Variants in POC1A observed in about 807,000 individuals in gnomAD.
POC1A encodes POC1 centriolar protein A.
Under a neutral mutation model 47.8 loss-of-function variants are expected in POC1A, and 34 were observed. The ratio of observed to expected loss-of-function variants is 0.71; its 90% CI spans 0.54 to 0.95. POC1A has a LOEUF of 0.95. Among genes scored for constraint, POC1A ranks in the 40% least tolerant of loss-of-function variants. POC1A has a pLI of 0.00. For missense variants in POC1A, 466 were observed against 528.3 expected (o/e 0.88, Z 1.16); for synonymous variants, 177 against 207.6 (o/e 0.85, Z 1.27).
chr3:52,097,290 T>C (rs1702851572), intron 9 of POC1A, among the ~76,000 whole-genome samples: 1 of 152,154 alleles, frequency 6.6e-6, no homozygotes, highest in African/African-American at 2.4e-5. Context: ...CCAGATCCCC[T>C]GGAAAAACAA....
chr3:52,134,642 T>C (rs923642382), intron 7 of POC1A, among the ~76,000 whole-genome samples: 1 of 151,900 alleles, frequency 6.6e-6, no homozygotes, highest in African/African-American at 2.4e-5. Context: ...AATGAATGAA[T>C]GAAAGAAACA....
chr3:52,097,240 G>C (rs111638385), intron 9 of POC1A, among the ~76,000 whole-genome samples: 1,947 of 152,352 alleles, frequency 0.013, 35 homozygotes, highest in African/African-American at 0.041. Context: ...GTGGAAGTGT[G>C]TGTGTGGCGG....
intron 10 of POC1A, among the ~76,000 whole-genome samples, chr3:52,086,433 C>T (rs1044213805): frequency 2.0e-5 from 3 of 152,220 alleles, no homozygotes; most frequent in Non-Finnish European, 4.4e-5. Flanking sequence ...AAAACAGATA[C>T]AATAAAAGGG....
intron 1 of POC1A, 59 bp from the exon 2 acceptor site, chr3:52,151,159 G>A: frequency 1.2e-6 from 2 of 1,609,086 alleles, no homozygotes; most frequent in South Asian, 2.2e-5. Flanking sequence ...CTTCCCCAGG[G>A]CCAGCACTCT....
chr3:52,101,968 A>G (rs937084874), intron 9 of POC1A, among the ~76,000 whole-genome samples: 1 of 152,232 alleles, frequency 6.6e-6, no homozygotes, highest in African/African-American at 2.4e-5. Context: ...CAGTTTGTAT[A>G]GTTTCACGAG....
At chr3:52,101,915 G>A (rs1369392060) in intron 9 of POC1A, among the ~76,000 whole-genome samples, 1 of 152,148 alleles carries the variant, frequency 6.6e-6, no homozygotes, top group East Asian at 1.9e-4. Flanking sequence ...ACAGAACTTT[G>A]GGTTGGCAGT....
intron 7 of POC1A, among the ~76,000 whole-genome samples, chr3:52,136,520 G>A (rs1284453095): frequency 6.6e-6 from 1 of 152,214 alleles, no homozygotes; most frequent in Admixed American, 6.5e-5. Flanking sequence ...GAGAGCCGAT[G>A]ATGAATGAAC....
chr3:52,130,109 G>A (rs757272644), intron 7 of POC1A, among the ~76,000 whole-genome samples: 5 of 152,186 alleles, frequency 3.3e-5, no homozygotes, highest in Admixed American at 6.5e-5. Flanking sequence ...GCCCACAACA[G>A]CTATGCTGGC....
chr3:52,152,276 A>G (rs1251228628), intron 1 of POC1A, among the ~76,000 whole-genome samples: 1 of 152,150 alleles, frequency 6.6e-6, no homozygotes, highest in African/African-American at 2.4e-5. Context: ...CCCTGACTAA[A>G]AAAAAGTAGT....
At position 52,079,343 on chromosome 3, in the gene POC1A, G is replaced by A. The variant is rs1381729895; in HGVS notation, c.1126-3358C>T. 1.3e-5 allele frequency among the ~76,000 whole-genome samples: 2 copies of A among 152,188 alleles called. No homozygotes were observed. Among genetic ancestry groups the A allele is most frequent in the Admixed American group, 6.5e-5 (1 of 15,282 alleles). On this transcript the variant is annotated intron_variant, in intron 10 of 10. Coordinates refer to ENST00000296484, the MANE Select transcript of POC1A (RefSeq NM_015426.5). This position sits in a 1 kb window ranked among gnomAD's most constrained non-coding sequence, Gnocchi z 4.6. ...CGTCGCCTCATGCTCCGTCCAGCCC[G>A]GGAATTATCCTGCTACCAGCGCCTG...
At chr3:52,137,551 G>A (rs1404680874) in intron 7 of POC1A, among the ~76,000 whole-genome samples, 1 of 152,012 alleles carries the variant, frequency 6.6e-6, no homozygotes, top group Non-Finnish European at 1.5e-5. Context: ...GATGTGAAAG[G>A]CCCGGACCCA....
At chr3:52,102,212 C>T (rs2106999296) in intron 9 of POC1A, among the ~76,000 whole-genome samples, 1 of 152,254 alleles carries the variant, frequency 6.6e-6, no homozygotes, top group East Asian at 1.9e-4. Flanking sequence ...TTTTCAATAG[C>T]ACCAAAACAA....
At chr3:52,087,542 C>T (rs924529622) in intron 10 of POC1A, among the ~76,000 whole-genome samples, 1 of 152,128 alleles carries the variant, frequency 6.6e-6, no homozygotes, top group Non-Finnish European at 1.5e-5. Flanking sequence ...CATCCCCCAG[C>T]CCCAACCTCT....
At chr3:52,080,711 C>T (rs564285215) in intron 10 of POC1A, among the ~76,000 whole-genome samples, 54 of 152,380 alleles carry the variant, frequency 3.5e-4, no homozygotes, top group Admixed American at 1.4e-3. Flanking sequence ...TCACTGTCAA[C>T]GCTTCTTTCA....
At chr3:52,113,078 C>T (rs899395300) in intron 9 of POC1A, among the ~76,000 whole-genome samples, 1 of 152,222 alleles carries the variant, frequency 6.6e-6, no homozygotes, top group Non-Finnish European at 1.5e-5. Flanking sequence ...ACCATGATAA[C>T]TGTCAAATGT....
At chr3:52,140,982 T>A (rs1005097911) in intron 6 of POC1A, among the ~76,000 whole-genome samples, 5 of 152,232 alleles carry the variant, frequency 3.3e-5, no homozygotes, top group Non-Finnish European at 7.3e-5. Flanking sequence ...GGCCTCTTCT[T>A]GGCTCCATGG....
chr3:52,099,615 C>T (rs1435938799), intron 9 of POC1A, among the ~76,000 whole-genome samples: 2 of 152,178 alleles, frequency 1.3e-5, no homozygotes, highest in Non-Finnish European at 2.9e-5. Context: ...CTTTGGGAGG[C>T]CAAGGCAGGT....
At position 52,091,277 on chromosome 3, in the gene POC1A, C is replaced by CGCTCCTGACCTCAGGCCTAGCA. The variant is rs1559813723; in HGVS notation, c.1125+5270_1125+5291dup. Among the ~76,000 whole-genome samples, 4 of 152,160 alleles carry CGCTCCTGACCTCAGGCCTAGCA rather than the reference C, an allele frequency of 2.6e-5. No individual in the cohort carries two copies. The South Asian group carries it at 8.3e-4, about 32-fold the overall frequency. On this transcript the variant is annotated intron_variant, in intron 10 of 10. Transcript: ENST00000296484. ...GGGAGCTCGCAGCATGTGACGCCCA[C>CGCTCCTGACCTCAGGCCTAGCA]GCTCCTGACCTCAGGCCTAGCAGCT...
At chr3:52,151,330 C>A (rs1186774339) in intron 1 of POC1A, among the ~76,000 whole-genome samples, 2 of 152,116 alleles carry the variant, frequency 1.3e-5, no homozygotes, top group African/African-American at 4.8e-5. Flanking sequence ...AAACAAAAAA[C>A]AAATGAGTTC....
Sources: allele counts gnomAD v4.1 joint callset (sites outside exome capture counted in the v4.1 genomes callset), GRCh38; gene constraint gnomAD v4.1.1; non-coding constraint Gnocchi (gnomAD v3.1); transcripts MANE v1.5; gene names NCBI Gene and HGNC (gene_info 2026-07-23, HGNC 2026-07-21).